Variants in DCDC1 observed in about 807,000 individuals in gnomAD.
The protein encoded by DCDC1 is doublecortin domain containing 1, also known as doublecortin domain-containing protein 1.
DCDC1 carries 200 observed loss-of-function variants against 178.3 expected under a neutral mutation model. The ratio of observed to expected loss-of-function variants is 1.12; its 90% CI spans 1.00 to 1.26. DCDC1 has a LOEUF of 1.26. Among genes scored for constraint, DCDC1 ranks in the 50% most tolerant of loss-of-function variants. The pLI is 0.00. For synonymous variants in DCDC1, 690 were observed against 604.8 expected, an observed-to-expected ratio of 1.14 and a Z score of -2.07; for missense variants, 1,983 against 1,749.2, an observed-to-expected ratio of 1.13 and a Z score of -2.38.
At chr11:30,880,682 T>C (rs1344644322) in intron 37 of DCDC1, among the ~76,000 whole-genome samples, 2 of 152,152 alleles carry the variant, frequency 1.3e-5, no homozygotes, top group Non-Finnish European at 2.9e-5. Context: ...AACAAATATA[T>C]GTCCTTTTCA....
At chr11:31,255,656 C>T (rs985156544) in intron 8 of DCDC1, among the ~76,000 whole-genome samples, 4 of 152,056 alleles carry the variant, frequency 2.6e-5, no homozygotes, top group African/African-American at 9.7e-5. Flanking sequence ...AAGTCCTTTG[C>T]CCATTTTTTA....
At chr11:31,076,584 C>A (rs1590961069) in intron 18 of DCDC1, among the ~76,000 whole-genome samples, 1 of 152,078 alleles carries the variant, frequency 6.6e-6, no homozygotes, top group Non-Finnish European at 1.5e-5. Context: ...TGGGCTCAAG[C>A]AATCCTGCCT....
At chr11:31,321,538 G>C (rs1393898218) in intron 3 of DCDC1, among the ~76,000 whole-genome samples, 1 of 152,100 alleles carries the variant, frequency 6.6e-6, no homozygotes, top group African/African-American at 2.4e-5. Flanking sequence ...ACACACACTG[G>C]CCTGCGCCCA....
At chr11:30,957,743 C>T (rs1948850981) in intron 20 of DCDC1, among the ~76,000 whole-genome samples, 2 of 152,128 alleles carry the variant, frequency 1.3e-5, no homozygotes, top group South Asian at 4.1e-4. Flanking sequence ...AAAACTGAGC[C>T]ACCCATCATG....
intron 10 of DCDC1, 120 bp from the exon 11 acceptor site, chr11:31,127,759 C>G: frequency 3.4e-6 from 2 of 588,622 alleles, no homozygotes; most frequent in South Asian, 4.2e-5. Context: ...AATTTGAGTA[C>G]AGATCTATCC....
intron 1 of DCDC1, among the ~76,000 whole-genome samples, chr11:31,338,939 T>C (rs375197462): frequency 1.8e-4 from 28 of 152,298 alleles, no homozygotes; most frequent in African/African-American, 6.7e-4. Flanking sequence ...AAATAAACTT[T>C]TATATGAGTA....
At chr11:31,321,357 G>A (rs1949337528) in intron 3 of DCDC1, among the ~76,000 whole-genome samples, 1 of 132,768 alleles carries the variant, frequency 7.5e-6, no homozygotes, top group East Asian at 2.3e-4. Flanking sequence ...TAGTCTCGTG[G>A]TGCGCCGTTT....
chr11:31,273,796 AG>A (rs1945767903), intron 7 of DCDC1, among the ~76,000 whole-genome samples: 1 of 152,164 alleles, frequency 6.6e-6, no homozygotes, highest in Non-Finnish European at 1.5e-5. Flanking sequence ...TAAAAGAAAG[AG>A]GTTTAGTGGA....
intron 1 of DCDC1, among the ~76,000 whole-genome samples, chr11:31,368,326 T>C (rs1163618224): frequency 6.6e-6 from 1 of 151,954 alleles, no homozygotes; most frequent in Non-Finnish European, 1.5e-5. Context: ...AAACCTGGAG[T>C]ACCGGAGCAT....
chr11:31,029,958 A>T (rs1380310093), intron 20 of DCDC1, among the ~76,000 whole-genome samples: 2 of 152,254 alleles, frequency 1.3e-5, no homozygotes, highest in Non-Finnish European at 2.9e-5. Context: ...GCCCCCCTCC[A>T]TGTAAGATGA....
At chr11:31,334,041 A>G (rs1327545178) in intron 2 of DCDC1, among the ~76,000 whole-genome samples, 2 of 152,062 alleles carry the variant, frequency 1.3e-5, no homozygotes, top group Non-Finnish European at 2.9e-5. Context: ...TGGTCTTTTC[A>G]CATAGTCCCA....
intron 11 of DCDC1, among the ~76,000 whole-genome samples, chr11:31,116,795 A>G (rs1480881467): frequency 6.6e-6 from 1 of 152,164 alleles, no homozygotes; most frequent in African/African-American, 2.4e-5. Flanking sequence ...GTCCCAGGAA[A>G]TGAAAATGCA....
intron 28 of DCDC1, among the ~76,000 whole-genome samples, chr11:30,910,956 C>A (rs543910535): frequency 6.6e-6 from 1 of 152,198 alleles, no homozygotes; most frequent in Non-Finnish European, 1.5e-5. Flanking sequence ...GGGAGCCTTG[C>A]ATATGTTCCT....
intron 7 of DCDC1, among the ~76,000 whole-genome samples, chr11:31,282,805 T>C (rs1946541737): frequency 6.6e-6 from 1 of 152,042 alleles, no homozygotes; most frequent in South Asian, 2.1e-4. Flanking sequence ...ATTTCGAAGA[T>C]TTTTTTTAAA....
intron 11 of DCDC1, among the ~76,000 whole-genome samples, chr11:31,113,966 A>C (rs540514675): frequency 4.6e-5 from 7 of 152,136 alleles, no homozygotes; most frequent in Non-Finnish European, 1.0e-4. Context: ...ATTTCACACC[A>C]TGTTTCTCTT....
chr11:31,333,712 A>G (rs1352142467), intron 2 of DCDC1, among the ~76,000 whole-genome samples: 2 of 152,192 alleles, frequency 1.3e-5, no homozygotes, highest in African/African-American at 2.4e-5. Context: ...TGGACCCCAC[A>G]CTCTTCTGGT....
chr11:31,252,434 T>A (rs1306346983), intron 8 of DCDC1, among the ~76,000 whole-genome samples: 1 of 152,140 alleles, frequency 6.6e-6, no homozygotes, highest in Non-Finnish European at 1.5e-5. Context: ...TGAAAATAAA[T>A]TTGGGGGCTT....
At chr11:31,041,760 T>G (rs939488155) in intron 20 of DCDC1, among the ~76,000 whole-genome samples, 3 of 152,202 alleles carry the variant, frequency 2.0e-5, no homozygotes, top group African/African-American at 7.2e-5. Context: ...GGGTAGAATT[T>G]GTACCCTCAT....
Position 31,074,817 on chromosome 11 carries a change from C to T in DCDC1, c.2298+3048G>A, listed in dbSNP as rs561441066. Among the ~76,000 whole-genome samples, 16 of 152,128 alleles carry T rather than the reference C, an allele frequency of 1.1e-4. 1 individual carries two copies. The highest frequency in any genetic ancestry group is 2.6e-4 in the Admixed American group (4 of 15,282). On this transcript the variant is annotated intron_variant, in intron 18 of 38. Transcript: ENST00000684477. ...TTTGAAAAAGCAGGATAGACAAAGC[C>T]TATATTACCATGAATGGATCATAAA...
Sources: allele counts gnomAD v4.1 joint callset (sites outside exome capture counted in the v4.1 genomes callset), GRCh38; gene constraint gnomAD v4.1.1; transcripts MANE v1.5; gene names NCBI Gene and HGNC (gene_info 2026-07-23, HGNC 2026-07-21).